The following NOM1 variants were observed in gnomAD, a reference collection of about 807,000 sequenced individuals.
The protein encoded by NOM1 is nucleolar protein with MIF4G domain 1, also known as nucleolar MIF4G domain-containing protein 1.
NOM1 carries 58 observed loss-of-function variants against 73.3 expected under a neutral mutation model. That is an observed-to-expected ratio of 0.79 (90% CI 0.64 to 0.99). The LOEUF (loss-of-function observed/expected upper bound fraction) is 0.99, where lower values mean the gene tolerates loss of function less well. Among genes scored for constraint, NOM1 ranks in the 50% least tolerant of loss-of-function variants. NOM1 has a pLI of 0.00. For missense variants in NOM1, 1,226 were observed against 1,131.9 expected (o/e 1.08, Z -1.19); for synonymous variants, 487 against 446.8 (o/e 1.09, Z -1.14).
In NOM1 at chr7:156,950,478, C is replaced by G; in HGVS notation, c.741C>G (p.Pro247=). ...AGGAAGATGCCGGACAGACACTCCCCGAAAGTGACTTAGAGAGTGACTCCC... is the reference window on the plus strand; with the variant it reads ...AGGAAGATGCCGGACAGACACTCCCGGAAAGTGACTTAGAGAGTGACTCCC... The part of the protein sequence containing the change: ...EEEEDAGQTL[P]ESDLESDSQD... The change falls in exon 1 of 11, where the codon CCC becomes CCG. Residue 247 remains proline, a synonymous_variant. Coordinates refer to ENST00000275820, the MANE Select transcript of NOM1 (RefSeq NM_138400.2). 6.2e-7 allele frequency: 1 copy of G among 1,613,846 alleles called. No homozygotes were observed. The highest frequency in any genetic ancestry group is 8.5e-7 in the Non-Finnish European group (1 of 1,179,896).
At chr7:156,952,156 G>A (rs114583857) in intron 1 of NOM1, among the ~76,000 whole-genome samples, 1,535 of 152,286 alleles carry the variant, frequency 0.01, 24 homozygotes, top group African/African-American at 0.035. Context: ...GAGCAAAAGC[G>A]CAGTAGATAG....
At chr7:156,962,351 A>G (rs1804886847) in intron 5 of NOM1, 90 bp downstream of exon 5, 1 of 1,061,978 alleles carries the variant, frequency 9.4e-7, no homozygotes, top group African/African-American at 1.6e-5. Flanking sequence ...TCAGACCTGC[A>G]CGTCAGGGTG....
intron 4 of NOM1, among the ~76,000 whole-genome samples, chr7:156,960,735 C>G (rs973373510): frequency 6.6e-6 from 1 of 152,214 alleles, no homozygotes; most frequent in Non-Finnish European, 1.5e-5. Context: ...CTAGAGGCAT[C>G]TGAAGGGTTC....
At chr7:156,958,104 C>G (rs1804772458) in intron 3 of NOM1, among the ~76,000 whole-genome samples, 1 of 142,956 alleles carries the variant, frequency 7.0e-6, no homozygotes, top group South Asian at 2.4e-4. Flanking sequence ...TCTTTGCAGT[C>G]CAGCAATGAT....
At position 156,959,126 on chromosome 7, in the gene NOM1, A is replaced by T. The variant is rs1426048077; in HGVS notation, c.1309-725A>T. Among the ~76,000 whole-genome samples the T allele has an allele frequency of 2.7e-5, 4 of 150,502 alleles. No individual in the cohort carries two copies. The South Asian group carries it at 8.4e-4, about 31-fold the overall frequency. On this transcript the variant is annotated intron_variant, in intron 3 of 10. Transcript: ENST00000275820. Reference sequence around the variant, plus strand: ...TGGAACTTTTTTTTTTTTTTTACACAGAGTCTTGCTCTGTCGCCCAGGCTG... The same window carrying T: ...TGGAACTTTTTTTTTTTTTTTACACTGAGTCTTGCTCTGTCGCCCAGGCTG...
chr7:156,953,088 G>A lies in NOM1; in HGVS notation c.1112+490G>A, dbSNP rs1465475734. Reference sequence around the variant, plus strand: ...ATCAGCTCTTTGGTTTTGAGGATGTGTGTGTGCATGTGATTCTGTGTAGGT... The same window carrying A: ...ATCAGCTCTTTGGTTTTGAGGATGTATGTGTGCATGTGATTCTGTGTAGGT... On this transcript the variant is annotated intron_variant, in intron 2 of 10. Transcript: ENST00000275820. 2.0e-5 allele frequency among the ~76,000 whole-genome samples: 3 copies of A among 152,088 alleles called. No homozygotes were observed. In the East Asian group the frequency reaches 5.8e-4, roughly 29 times the overall value.
In NOM1 at chr7:156,959,925, G is replaced by A. The variant is rs1804821436; in HGVS notation, c.1383G>A (p.Glu461=). The A allele has an allele frequency of 6.2e-7, 1 of 1,614,082 alleles. No individual in the cohort carries two copies. The highest frequency in any genetic ancestry group is 1.3e-5 in the African/African-American group (1 of 74,944). Residue 461 remains glutamate, a synonymous_variant, in exon 4 of 11, where the codon GAG becomes GAA. Transcript: ENST00000275820. The stretch of plus-strand genomic sequence containing the variant: ...ATAAATACGGAAGCGAAGGGAAAGA[G>A]TGTGACAACCTGTTCACCGTCATTG... The part of the protein sequence containing the change: ...AIYKYGSEGK[E]CDNLFTVIAH...
intron 3 of NOM1, among the ~76,000 whole-genome samples, chr7:156,959,434 G>A (rs969178587): frequency 6.6e-6 from 1 of 152,048 alleles, no homozygotes; most frequent in Non-Finnish European, 1.5e-5. Flanking sequence ...TAGAAACGGG[G>A]TTTCACCGTG....
chr7:156,962,412 T>C, intron 5 of NOM1, 151 bp downstream of exon 5: 1 of 650,130 alleles, frequency 1.5e-6, no homozygotes. Flanking sequence ...GGCTCGGTTT[T>C]CCTCAGGGGC....
Position 156,962,171 on chromosome 7 carries a change from G to A in NOM1, c.1653G>A (p.Thr551=), listed in dbSNP as rs186581716. ...DQTRIRFMLE[T]MLALKNNDMR... is the part of the protein sequence containing the mutation. ...TGAAGATTCGGTTTATGCTAGAGAC[G>A]ATGTTGGCCCTGAAGAACAATGACA... The change falls in exon 5 of 11, where the codon ACG becomes ACA. Residue 551 remains threonine (T), a synonymous_variant. Transcript: ENST00000275820. 9 of 1,613,964 alleles carry A rather than the reference G, an allele frequency of 5.6e-6. No individual in the cohort carries two copies. In the East Asian group the frequency reaches 8.9e-5, roughly 16 times the overall value.
chr7:156,960,982 A>AC (rs1804850448), intron 4 of NOM1, among the ~76,000 whole-genome samples: 1 of 152,090 alleles, frequency 6.6e-6, no homozygotes, highest in Non-Finnish European at 1.5e-5. Context: ...GGCACAGGGG[A>AC]CCGTGCAGGA....
Position 156,967,093 on chromosome 7 carries a change from G to T in NOM1, c.2298+1G>T, listed in dbSNP as rs1281043505. ...ATCGCTTTCCCTTTCCATCTTAAAGGTTCGTGTAACGTGTGAAAATATTGA... is the reference window on the plus strand; with the variant it reads ...ATCGCTTTCCCTTTCCATCTTAAAGTTTCGTGTAACGTGTGAAAATATTGA... On this transcript the variant is annotated splice_donor_variant, in intron 9 of 10. Coordinates refer to ENST00000275820, the MANE Select transcript of NOM1 (RefSeq NM_138400.2). LOFTEE classifies it high-confidence loss of function. The T allele has an allele frequency of 1.2e-6, 2 of 1,612,362 alleles. No individual in the cohort carries two copies. Among genetic ancestry groups the T allele is most frequent in the Non-Finnish European group, 1.7e-6 (2 of 1,179,568 alleles).
At chr7:156,955,889 T>C (rs1411312726) in intron 3 of NOM1, among the ~76,000 whole-genome samples, 1 of 152,160 alleles carries the variant, frequency 6.6e-6, no homozygotes, top group Non-Finnish European at 1.5e-5. Context: ...AAAGCTTGCT[T>C]TAAGATGCAC....
At chr7:156,962,339 AGTCAGACCTGCAC>A (rs1274795499) in intron 5 of NOM1, 78 bp downstream of exon 5, 3 of 1,172,586 alleles carry the variant, frequency 2.6e-6, no homozygotes, top group Non-Finnish European at 3.8e-6. Flanking sequence ...ATCAAGAAAT[AGTCAGACCTGCAC>A]GTCAGGGTGG....
chr7:156,968,694 TATATATATATA>T (rs1344310173), intron 9 of NOM1: 53 of 3,886 alleles, frequency 0.014, 1 homozygote, highest in African/African-American at 0.084. Flanking sequence ...ATTTTATATA[TATATATATATA>T]TATATATATA....
At chr7:156,969,217 G>A (rs1386794503) in intron 10 of NOM1, 21 bp downstream of exon 10, 3 of 1,225,470 alleles carry the variant, frequency 2.4e-6, no homozygotes, top group South Asian at 1.2e-5. Context: ...CACCCTTTCC[G>A]ACGAGACATG....
intron 3 of NOM1, among the ~76,000 whole-genome samples, chr7:156,956,979 C>A (rs1314774713): frequency 6.6e-6 from 1 of 152,100 alleles, no homozygotes; most frequent in Non-Finnish European, 1.5e-5. Context: ...CAGTGAGTTA[C>A]AGGAAAAGCC....
At position 156,949,950 on chromosome 7, in the gene NOM1, G is replaced by C. The variant is rs1346743078; in HGVS notation, c.213G>C (p.Pro71=). The change falls in exon 1 of 11, where the codon CCG becomes CCC. Residue 71 remains proline (P), a synonymous_variant. Transcript: ENST00000275820. ...GGGGTTGCGAGGGGCGCGGCGCCCC[G>C]GTGAGCTTTCGCCCGGGAGGGAGAA... ...APGGCEGRGA[P]VSFRPGGRKS... 1.9e-6 allele frequency: 3 copies of C among 1,541,754 alleles called. No individual in the cohort carries two copies. The highest frequency in any genetic ancestry group is 2.7e-5 in the African/African-American group (2 of 73,012).
chr7:156,957,793 A>AG (rs1277769389), intron 3 of NOM1, among the ~76,000 whole-genome samples: 2 of 120,684 alleles, frequency 1.7e-5, no homozygotes, highest in Admixed American at 1.7e-4. Context: ...AAAAAAAAAA[A>AG]AAAAAAAGAA....
Sources: allele counts gnomAD v4.1 joint callset (sites outside exome capture counted in the v4.1 genomes callset), GRCh38; gene constraint gnomAD v4.1.1; transcripts MANE v1.5; gene names NCBI Gene and HGNC (gene_info 2026-07-23, HGNC 2026-07-21).